The following ANK2 variants were observed in gnomAD, a reference collection of about 807,000 sequenced individuals.
ANK2 encodes ankyrin-2.
A neutral mutation model predicts 360.5 loss-of-function variants in ANK2; 83 were observed. The ratio of observed to expected loss-of-function variants is 0.23; its 90% CI spans 0.19 to 0.28. The LOEUF is 0.28. Ranked by LOEUF, ANK2 falls within the 10% of genes least tolerant of loss-of-function variation. The probability of loss-of-function intolerance (pLI) is 1.00; values close to 1 mark genes in which losing one functional copy is unlikely to be tolerated. For synonymous variants in ANK2, 1,740 were observed against 1,759.5 expected, an observed-to-expected ratio of 0.99 and a Z score of 0.28; for missense variants, 4,201 against 4,795.7, an observed-to-expected ratio of 0.88 and a Z score of 3.66.
the ANK2 span, among the ~76,000 whole-genome samples, chr4:112,804,043 G>T: frequency 6.7e-6 from 1 of 149,466 alleles, no homozygotes; most frequent in African/African-American, 2.5e-5. Context: ...TTTTGAGATG[G>T]AGTCTCGCTC....
chr4:113,330,705 A>T (rs958045271), intron 27 of ANK2, among the ~76,000 whole-genome samples: 4 of 152,202 alleles, frequency 2.6e-5, no homozygotes, highest in Non-Finnish European at 5.9e-5. Flanking sequence ...TTCTTTTTGG[A>T]TGTTAATAAT....
At chr4:113,243,612 TG>T (rs1214475241) in intron 9 of ANK2, among the ~76,000 whole-genome samples, 1 of 152,222 alleles carries the variant, frequency 6.6e-6, no homozygotes, top group Non-Finnish European at 1.5e-5. Context: ...TTCTACTTTT[TG>T]CTTAGTAGGC....
At chr4:112,929,728 G>A (rs752246681) in intron 2 of ANK2, among the ~76,000 whole-genome samples, 24 of 152,118 alleles carry the variant, frequency 1.6e-4, no homozygotes, top group Non-Finnish European at 2.2e-4. Flanking sequence ...AGAGTCAGGC[G>A]CCTCCATGGT....
chr4:113,342,466 C>T lies in ANK2; in HGVS notation c.4122+550C>T, dbSNP rs28621036. 0.11 allele frequency among the ~76,000 whole-genome samples: 15,966 copies of T among 151,954 alleles called. 2,073 individuals carry two copies. Among genetic ancestry groups the T allele is most frequent in the African/African-American group, 0.31 (12,840 of 41,404 alleles). On this transcript the variant is annotated intron_variant, in intron 33 of 45. Coordinates refer to ENST00000357077, the MANE Select transcript of ANK2 (RefSeq NM_001148.6). ...CTGTATTCCCAGCACTTTGGGAGGC[C>T]GAGGTGGGTGGATCATCTGAGGTCA...
At chr4:113,026,294 A>G (rs1029163947) in intron 2 of ANK2, among the ~76,000 whole-genome samples, 2 of 152,184 alleles carry the variant, frequency 1.3e-5, no homozygotes, top group African/African-American at 4.8e-5. Flanking sequence ...CCTGACTTCT[A>G]AATGTGAATT....
the ANK2 span, among the ~76,000 whole-genome samples, chr4:112,793,840 G>T: frequency 6.6e-6 from 1 of 151,820 alleles, no homozygotes; most frequent in African/African-American, 2.4e-5. Context: ...CGAGTAGCTG[G>T]GACAACAGGC....
intron 2 of ANK2, among the ~76,000 whole-genome samples, chr4:112,997,043 T>C (rs866676694): frequency 6.6e-6 from 1 of 152,100 alleles, no homozygotes. Flanking sequence ...ACAAAGTTTA[T>C]TTTCCTGTAT....
At chr4:112,969,034 G>A (rs1311538575) in intron 2 of ANK2, among the ~76,000 whole-genome samples, 2 of 152,156 alleles carry the variant, frequency 1.3e-5, no homozygotes, top group Non-Finnish European at 2.9e-5. Flanking sequence ...TGAGGGCCTT[G>A]TATATGTTGT....
At chr4:112,886,436 G>A (rs1304340252) in intron 1 of ANK2, among the ~76,000 whole-genome samples, 2 of 152,018 alleles carry the variant, frequency 1.3e-5, no homozygotes, top group African/African-American at 2.4e-5. Flanking sequence ...AGGCCGAGGC[G>A]GGCAGATCAC....
chr4:112,739,600 C>G, the ANK2 span, among the ~76,000 whole-genome samples: 1 of 152,102 alleles, frequency 6.6e-6, no homozygotes, highest in African/African-American at 2.4e-5. Context: ...GGTGACAGAG[C>G]AAGACTCCGT....
the ANK2 span, among the ~76,000 whole-genome samples, chr4:112,790,003 A>G: frequency 7.9e-5 from 12 of 152,226 alleles, no homozygotes; most frequent in African/African-American, 2.9e-4. Flanking sequence ...GGGATTGTAA[A>G]ATGGAGCAAC....
At chr4:113,348,925 A>G (rs1310259105) in intron 36 of ANK2, among the ~76,000 whole-genome samples, 1 of 152,260 alleles carries the variant, frequency 6.6e-6, no homozygotes, top group African/African-American at 2.4e-5. Flanking sequence ...AAGGGGCCCT[A>G]AGACCAAAGA....
intron 35 of ANK2, 58 bp from the exon 36 acceptor site, chr4:113,348,218 A>ACT (rs1344892239): frequency 5.8e-6 from 9 of 1,555,494 alleles, no homozygotes; most frequent in African/African-American, 2.7e-5. Context: ...TCTTCTAAAT[A>ACT]CTCTCTACTC....
chr4:113,186,985 C>T (rs2153321186), intron 2 of ANK2, among the ~76,000 whole-genome samples: 1 of 151,952 alleles, frequency 6.6e-6, no homozygotes, highest in East Asian at 1.9e-4. Flanking sequence ...ATAAAAGAGA[C>T]CAAGATGCAG....
At chr4:112,804,014 GT>G in the ANK2 span, among the ~76,000 whole-genome samples, 44,987 of 142,616 alleles carry the variant, frequency 0.32, 7,957 homozygotes, top group East Asian at 0.56. Context: ...CAATCTCACG[GT>G]TTTTTTTTTT....
chr4:113,198,687 A>G (rs1363910559), intron 3 of ANK2, among the ~76,000 whole-genome samples: 2 of 152,076 alleles, frequency 1.3e-5, no homozygotes, highest in African/African-American at 4.8e-5. Flanking sequence ...AGGATTCTTT[A>G]GTTGTTAATT....
the ANK2 span, among the ~76,000 whole-genome samples, chr4:112,758,906 T>C: frequency 2.7e-3 from 413 of 152,274 alleles, 2 homozygotes; most frequent in African/African-American, 9.6e-3. Flanking sequence ...GTGCCCATGA[T>C]GGTGATTCTA....
the ANK2 span, among the ~76,000 whole-genome samples, chr4:112,733,104 C>A: frequency 6.6e-6 from 1 of 152,050 alleles, no homozygotes; most frequent in Admixed American, 6.6e-5. Flanking sequence ...GTAATCCCAG[C>A]TAATCTGGAG....
At chr4:113,067,035 G>T (rs1334838800) in intron 1 of ANK2, among the ~76,000 whole-genome samples, 2 of 152,030 alleles carry the variant, frequency 1.3e-5, no homozygotes, top group Non-Finnish European at 2.9e-5. Context: ...GGAGGCATTG[G>T]CAGGTGTAAG....
Sources: gnomAD v4.1 joint callset for allele counts (sites outside exome capture counted in the v4.1 genomes callset) on GRCh38, gnomAD v4.1.1 for gene constraint, MANE v1.5 for transcripts, NCBI Gene and HGNC (gene_info 2026-07-23, HGNC 2026-07-21) for gene names.